SGSM2: variants seen among roughly 807,000 people sequenced by gnomAD.
SGSM2 encodes the protein small G protein signaling modulator 2, also known as RUN and TBC1 domain containing 1.
In SGSM2, 89 loss-of-function variants were observed where a neutral mutation model predicts 126.6. The observed-to-expected ratio is 0.70, with a 90% confidence interval of 0.59 to 0.84. The LOEUF is 0.84. SGSM2 is among the 40% of genes least tolerant of loss of function. The pLI is 0.00. For missense variants in SGSM2, 1,404 were observed against 1,416.6 expected (o/e 0.99, Z 0.14); for synonymous variants, 614 against 574.3 (o/e 1.07, Z -0.99).
In SGSM2 at chr17:2,362,179, A is replaced by G. The variant is rs1218968927; in HGVS notation, c.367A>G (p.Ser123Gly). ...AGCCAGCGGGAAGGCCCCGGCCCTCAGCCCTCAGGCCTTGAAACACGTATG... is the reference window on the plus strand; with the variant it reads ...AGCCAGCGGGAAGGCCCCGGCCCTCGGCCCTCAGGCCTTGAAACACGTATG... ...GSASGKAPAL[S>G]PQALKHVWVR... Residue 123 changes from serine (S) to glycine (G), a missense_variant, in exon 4 of 24, where the codon AGC becomes GGC. Transcript: ENST00000268989. The surrounding 1 kb of genome is among the most constrained non-coding windows in gnomAD (Gnocchi z 4.9). 1.2e-6 allele frequency: 2 copies of G among 1,614,062 alleles called. No homozygotes were observed. The highest frequency in any genetic ancestry group is 2.2e-5 in the South Asian group (2 of 91,086).
intron 22 of SGSM2, 110 bp downstream of exon 22, chr17:2,378,063 C>T: frequency 1.5e-6 from 1 of 661,252 alleles, no homozygotes. Context: ...ACCTGGGGAG[C>T]TTTAAAACCT....
intron 13 of SGSM2, 179 bp downstream of exon 13, chr17:2,371,594 C>A: frequency 1.4e-6 from 1 of 703,298 alleles, no homozygotes; most frequent in Non-Finnish European, 2.2e-6. Flanking sequence ...TTACCATGAG[C>A]CTCTACGTTT....
At position 2,361,654 on chromosome 17, in the gene SGSM2, C is replaced by T; in HGVS notation, c.151C>T (p.Leu51Phe). Residue 51 changes from leucine (L) to phenylalanine (F), a missense_variant, in exon 3 of 24, where the codon CTC (leucine) becomes TTC (phenylalanine). Physicochemically the swap from Leu to Phe is conservative, Grantham distance 22. Transcript: ENST00000268989. Reference sequence around the variant, plus strand: ...TGGCCTAGGTGCAGTGGAGGCTTGCCTCTTGCATCAGCTGAGACGCCGTGC... The same window carrying T: ...TGGCCTAGGTGCAGTGGAGGCTTGCTTCTTGCATCAGCTGAGACGCCGTGC... ...IALCGAVEAC[L>F]LHQLRRRAAG... 1 of 1,613,924 alleles carries T rather than the reference C, an allele frequency of 6.2e-7. No individual in the cohort carries two copies. The highest frequency in any genetic ancestry group is 8.5e-7 in the Non-Finnish European group (1 of 1,180,006).
Position 2,364,258 on chromosome 17 carries a change from C to G in SGSM2, c.932+75C>G. On this transcript the variant is annotated intron_variant, in intron 8 of 23. Transcript: ENST00000268989. ...GACCTCAGGCAGAGGGATGGAGAAA[C>G]CCCGCTTGCTCCAGGAGGCCAACCT... The G allele has an allele frequency of 1.9e-6, 3 of 1,578,990 alleles. No homozygotes were observed. The South Asian group carries it at 3.3e-5, about 18-fold the overall frequency.
intron 2 of SGSM2, among the ~76,000 whole-genome samples, chr17:2,347,990 T>C (rs573006745): frequency 6.6e-6 from 1 of 152,274 alleles, no homozygotes; most frequent in East Asian, 1.9e-4. Context: ...CCTGCCCTGC[T>C]GTGTGCAAGT....
rs755962907 is a variant in SGSM2 at position 2,372,480 on chromosome 17, G to A, written c.1780G>A (p.Asp594Asn). Residue 594 changes from aspartate to asparagine, a missense_variant, in exon 15 of 24, where the codon GAC becomes AAC. Asp to Asn is a conservative substitution (Grantham distance 23, BLOSUM62 1). Coordinates refer to ENST00000268989, the MANE Select transcript of SGSM2 (RefSeq NM_014853.3). This position sits in a 1 kb window ranked among gnomAD's most constrained non-coding sequence, Gnocchi z 6.0. The part of the protein sequence containing the change: ...TKDVWSKYQK[D>N]KKNYKELELL... ...GGACGTGTGGAGCAAGTATCAGAAG[G>A]ACAAAAAGGTGCCAACCCTGGGGTT... 8.8e-6 allele frequency: 14 copies of A among 1,599,352 alleles called. No homozygotes were observed. Among genetic ancestry groups the A allele is most frequent in the Middle Eastern group, 1.7e-4 (1 of 5,916 alleles).
In SGSM2 at chr17:2,373,010, A is replaced by T. The variant is rs1473941383; in HGVS notation, c.1846A>T (p.Ile616Phe). 4 of 1,599,232 alleles carry T rather than the reference A, an allele frequency of 2.5e-6. No individual in the cohort carries two copies. The highest frequency in any genetic ancestry group is 3.4e-6 in the Non-Finnish European group (4 of 1,172,942). Residue 616 changes from isoleucine (I) to phenylalanine (F), a missense_variant, in exon 16 of 24, where the codon ATC becomes TTC. Ile to Phe is a conservative substitution (Grantham distance 21). Transcript: ENST00000268989. ...TTACTACGGAGGCATAGAGCACGAG[A>T]TCCGCAAGGACGTCTGGCCCTTTCT... ...QVYYGGIEHE[I>F]RKDVWPFLLG...
chr17:2,373,525 G>T lies in SGSM2; in HGVS notation c.2100+12G>T, dbSNP rs761537263. The T allele has an allele frequency of 6.3e-7, 1 of 1,586,284 alleles. No homozygotes were observed. The highest frequency in any genetic ancestry group is 1.1e-5 in the South Asian group (1 of 90,590). On this transcript the variant is annotated intron_variant, in intron 17 of 23. Transcript: ENST00000268989. ...CCATCAGCAACGATGTGAGCCAGAC[G>T]GGACCTGGAGGGTTGGGGGTCTCGG...
rs780718284 is a variant in SGSM2, at chr17:2,363,571, A to G, written c.779A>G (p.Tyr260Cys). Residue 260 changes from tyrosine to cysteine, a missense_variant, in exon 7 of 24, where the codon TAT (tyrosine) becomes TGT (cysteine). Physicochemically the swap from Tyr to Cys is radical, Grantham distance 194. Transcript: ENST00000268989. This position sits in a 1 kb window ranked among gnomAD's most constrained non-coding sequence, Gnocchi z 4.2. ...CAGAACTCACGGACGCGGCTGCTCT[A>G]TGGCAAGAACCACGTGCTGGTGCAG... ...LHQNSRTRLL[Y>C]GKNHVLVQPK... is the part of the protein sequence containing the mutation. The G allele has an allele frequency of 6.2e-6, 10 of 1,613,412 alleles. No individual in the cohort carries two copies. The highest frequency in any genetic ancestry group is 7.6e-6 in the Non-Finnish European group (9 of 1,179,930).
At chr17:2,340,527 C>T (rs1051090885) in intron 1 of SGSM2, among the ~76,000 whole-genome samples, 4 of 152,108 alleles carry the variant, frequency 2.6e-5, no homozygotes, top group African/African-American at 9.7e-5. Flanking sequence ...ACGTATCATT[C>T]CTGACAAAAG....
intron 1 of SGSM2, among the ~76,000 whole-genome samples, chr17:2,340,988 C>G (rs902557963): frequency 2.0e-5 from 3 of 152,220 alleles, no homozygotes; most frequent in African/African-American, 7.2e-5. Flanking sequence ...TGGTATAATT[C>G]TAGGGGTATC....
At chr17:2,357,301 CAG>C (rs979121831) in intron 2 of SGSM2, among the ~76,000 whole-genome samples, 1 of 152,000 alleles carries the variant, frequency 6.6e-6, no homozygotes, top group African/African-American at 2.4e-5. Context: ...GATGGGCTGA[CAG>C]GGTAGAGAAT....
intron 11 of SGSM2, 41 bp downstream of exon 11, chr17:2,365,382 C>T (rs368746139): frequency 2.3e-5 from 34 of 1,499,652 alleles, no homozygotes; most frequent in Non-Finnish European, 2.7e-5. Context: ...GAGAGGAAGA[C>T]GCTCTGGGAG....
chr17:2,369,946 G>T (rs1367463348), intron 12 of SGSM2, among the ~76,000 whole-genome samples: 5 of 152,180 alleles, frequency 3.3e-5, no homozygotes, highest in Admixed American at 2.0e-4. Flanking sequence ...TGGTGGAGCT[G>T]AAGGGCCAGA....
At chr17:2,369,528 T>C (rs1433787154) in intron 12 of SGSM2, among the ~76,000 whole-genome samples, 3 of 152,004 alleles carry the variant, frequency 2.0e-5, no homozygotes, top group African/African-American at 2.4e-5. Context: ...AGTCACGCCA[T>C]AGCCCCAGCT....
chr17:2,364,491 C>T, intron 8 of SGSM2, 105 bp from the exon 9 acceptor site: 1 of 1,268,048 alleles, frequency 7.9e-7, no homozygotes, highest in Non-Finnish European at 1.1e-6. Context: ...CTATGGTCAT[C>T]CTATCTTCAG....
chr17:2,370,252 C>A (rs1261094166), intron 12 of SGSM2, among the ~76,000 whole-genome samples: 1 of 152,268 alleles, frequency 6.6e-6, no homozygotes, highest in African/African-American at 2.4e-5. Context: ...GCATCACCCC[C>A]CAGTGCTTCC....
chr17:2,351,526 G>A (rs1027130098), intron 2 of SGSM2, among the ~76,000 whole-genome samples: 2 of 152,166 alleles, frequency 1.3e-5, no homozygotes, highest in Non-Finnish European at 2.9e-5. Context: ...GGCTGGCCCT[G>A]GCCTGGTTCC....
rs2065392438 is a variant in SGSM2 at position 2,363,108 on chromosome 17, T to C, written c.646T>C (p.Ser216Pro). The C allele has an allele frequency of 6.2e-7, 1 of 1,610,428 alleles. No homozygotes were observed. Reference protein sequence around the residue: ...RIRGPPTRQDSPAKRPALGIR... With the variant: ...RIRGPPTRQDPPAKRPALGIR... The stretch of plus-strand genomic sequence containing the variant: ...CCGGGGTCCACCTACTCGCCAGGAC[T>C]CCCCTGCAAAGCGCCCAGCCCTGGG... Residue 216 changes from serine (S) to proline (P), a missense_variant, in exon 6 of 24, where the codon TCC (serine) becomes CCC (proline). By Grantham distance (74) the Ser-to-Pro change is moderately conservative. Transcript: ENST00000268989. This position sits in a 1 kb window ranked among gnomAD's most constrained non-coding sequence, Gnocchi z 4.2.
Sources: allele counts gnomAD v4.1 joint callset (sites outside exome capture counted in the v4.1 genomes callset), GRCh38; gene constraint gnomAD v4.1.1; non-coding constraint Gnocchi (gnomAD v3.1); transcripts MANE v1.5; gene names NCBI Gene and HGNC (gene_info 2026-07-23, HGNC 2026-07-21).